SYNE1: variants seen among roughly 807,000 people sequenced by gnomAD.
The protein encoded by SYNE1 is spectrin repeat containing nuclear envelope protein 1.
A neutral mutation model predicts 1,111.0 loss-of-function variants in SYNE1; 616 were observed. The ratio of observed to expected loss-of-function variants is 0.55; its 90% confidence interval spans 0.52 to 0.59. The LOEUF is 0.59. SYNE1 is among the 20% of genes least tolerant of loss of function. The pLI is 0.00. For synonymous variants in SYNE1, 3,855 were observed against 3,825.8 expected (o/e 1.01, Z -0.28); for missense variants, 10,006 against 10,417.0 (o/e 0.96, Z 1.72).
intron 28 of SYNE1, among the ~76,000 whole-genome samples, chr6:152,447,910 T>C (rs1380321696): frequency 1.3e-5 from 2 of 152,206 alleles, no homozygotes; most frequent in African/African-American, 4.8e-5. Flanking sequence ...AAAAATACTG[T>C]AGAAAAATAT....
Position 152,347,682 on chromosome 6 carries a change from C to T in SYNE1, c.11902-447G>A, listed in dbSNP as rs955684442. 1.1e-4 allele frequency among the ~76,000 whole-genome samples: 15 copies of T among 138,986 alleles called. No homozygotes were observed. In the East Asian group the frequency reaches 1.7e-3, roughly 15 times the overall value. 91.2% of individuals were successfully genotyped at this position (138,986 alleles called of 152,430 possible). A position where few individuals can be genotyped will look rare whatever the true frequency, so the allele number is the denominator to read the frequency against. Reference sequence around the variant, plus strand: ...AAAAGTAGTTGTGTTTTTTGTCATTCTTTTTTTTTTTTTTTTAAGACAGAG... The same window carrying T: ...AAAAGTAGTTGTGTTTTTTGTCATTTTTTTTTTTTTTTTTTTAAGACAGAG... On this transcript the variant is annotated intron_variant, in intron 72 of 145. Transcript: ENST00000367255.
At position 152,493,648 on chromosome 6, in the gene SYNE1, G is replaced by C. The variant is rs75086815; in HGVS notation, c.939+5094C>G. ...CTCCTCCAACATCTATTCTCAAAAG[G>C]ATAATGCAACTCCCCCGTCAAAGGC... On this transcript the variant is annotated intron_variant, in intron 11 of 145. Coordinates refer to ENST00000367255, the MANE Select transcript of SYNE1 (RefSeq NM_182961.4). 9.6e-3 allele frequency among the ~76,000 whole-genome samples: 1,455 copies of C among 152,104 alleles called. 31 individuals are homozygous for C. Among genetic ancestry groups the C allele is most frequent in the African/African-American group, 0.034 (1,396 of 41,496 alleles).
chr6:152,308,887 A>G (rs541331566), intron 90 of SYNE1, among the ~76,000 whole-genome samples: 4 of 152,328 alleles, frequency 2.6e-5, no homozygotes, highest in South Asian at 2.1e-4. Flanking sequence ...TCTTTTCCCT[A>G]CTGATATCGT....
intron 61 of SYNE1, chr6:152,367,732 C>A (rs779674460): frequency 6.5e-6 from 2 of 306,732 alleles, no homozygotes; most frequent in Non-Finnish European, 1.3e-5. Context: ...CCTGACACAA[C>A]AACCCACATG....
intron 128 of SYNE1, among the ~76,000 whole-genome samples, chr6:152,180,713 T>G (rs2067758252): frequency 6.8e-6 from 1 of 146,264 alleles, no homozygotes; most frequent in Admixed American, 6.8e-5. Flanking sequence ...AAGAAAAGAG[T>G]AAAAATAGGG....
Position 152,211,510 on chromosome 6 carries a change from C to T in SYNE1, c.22573G>A (p.Gly7525Ser). ...IIDGQRLLEQGQVDDRDEFNL... is the reference protein window; with the variant it reads ...IIDGQRLLEQSQVDDRDEFNL... ...AGATCCTACCTGTCATCAACTTGAC[C>T]TTGTTCTAGAAGACGTTGCCCATCA... The change falls in exon 124 of 146, where the codon GGT becomes AGT. Residue 7525 changes from glycine (G) to serine (S), a missense_variant. Transcript: ENST00000367255. 1 of 1,613,584 alleles carries T rather than the reference C, an allele frequency of 6.2e-7. No individual in the cohort carries two copies.
chr6:152,310,462 G>C lies in SYNE1; in HGVS notation c.16953C>G (p.Ala5651=), dbSNP rs765654033. Residue 5651 remains alanine, a synonymous_variant, in exon 89 of 146, where the codon GCC becomes GCG. Coordinates refer to ENST00000367255, the MANE Select transcript of SYNE1 (RefSeq NM_182961.4). ...CTTCTGGAGAAGTCAGTGTTGCCTGGGCTTGCTCCAAGGCAGCTTGTAACT... is the reference window on the plus strand; with the variant it reads ...CTTCTGGAGAAGTCAGTGTTGCCTGCGCTTGCTCCAAGGCAGCTTGTAACT... ...LKKLQAALEQ[A]QATLTSPEVG... The C allele has an allele frequency of 6.2e-7, 1 of 1,613,976 alleles. No individual in the cohort carries two copies. Among genetic ancestry groups the C allele is most frequent in the Non-Finnish European group, 8.5e-7 (1 of 1,180,000 alleles).
chr6:152,143,518 T>C (rs2152830600), intron 138 of SYNE1, 105 bp downstream of exon 138: 9 of 1,516,664 alleles, frequency 5.9e-6, no homozygotes, highest in South Asian at 3.4e-5. Context: ...AAGGGCAGCA[T>C]GGTATTCAGA....
chr6:152,461,775 T>C, intron 20 of SYNE1, 35 bp from the exon 21 acceptor site: 2 of 1,613,510 alleles, frequency 1.2e-6, no homozygotes, highest in Non-Finnish European at 1.7e-6. Flanking sequence ...GATTCATACA[T>C]GACACATTTC....
At chr6:152,560,235 A>G (rs542868246) in intron 3 of SYNE1, among the ~76,000 whole-genome samples, 19 of 152,048 alleles carry the variant, frequency 1.2e-4, no homozygotes, top group Non-Finnish European at 2.4e-4. Flanking sequence ...GTGTGGTGGC[A>G]TGCACCTATA....
intron 3 of SYNE1, among the ~76,000 whole-genome samples, chr6:152,541,445 T>A (rs1323836391): frequency 6.6e-6 from 1 of 152,140 alleles, no homozygotes; most frequent in African/African-American, 2.4e-5. Context: ...AAGTTGTTGG[T>A]GTATAGAAAT....
At chr6:152,536,386 A>T (rs11969454) in intron 4 of SYNE1, among the ~76,000 whole-genome samples, 3 of 120,654 alleles carry the variant, frequency 2.5e-5, no homozygotes, top group African/African-American at 8.8e-5. Context: ...TAATATATAT[A>T]TATTTATATA....
intron 97 of SYNE1, 124 bp from the exon 98 acceptor site, chr6:152,278,404 G>T: frequency 8.6e-7 from 1 of 1,165,520 alleles, no homozygotes; most frequent in Non-Finnish European, 1.3e-6. Flanking sequence ...ATGATTTTTT[G>T]TAGTTTTCCC....
chr6:152,189,101 T>C, intron 128 of SYNE1, 151 bp downstream of exon 128: 1 of 749,688 alleles, frequency 1.3e-6, no homozygotes, highest in Non-Finnish European at 2.2e-6. Context: ...TGTATTGATC[T>C]GAAATGTTCT....
chr6:152,315,825 T>C (rs1477634908), intron 87 of SYNE1: 3 of 152,268 alleles, frequency 2.0e-5, no homozygotes, highest in South Asian at 2.1e-4. Flanking sequence ...ATACGCAAGA[T>C]TGATCAGAGA....
intron 145 of SYNE1, chr6:152,126,217 C>T (rs2053385423): frequency 6.6e-6 from 1 of 152,178 alleles, no homozygotes; most frequent in Non-Finnish European, 1.5e-5. Flanking sequence ...TTGAAAATAT[C>T]CGAACTATCC....
In SYNE1 at chr6:152,367,264, G is replaced by T. The variant is rs559031643; in HGVS notation, c.9926C>A (p.Pro3309Gln). Residue 3309 changes from proline to glutamine, a missense_variant, in exon 62 of 146, where the codon CCG becomes CAG. By Grantham distance (76) the Pro-to-Gln change is moderately conservative. Transcript: ENST00000367255. ...GTCCAGCACACTTTTGTCGGATGTC[G>T]GGTGGCAGTATGAATCCAGCATGTG... ...AIHMLDSYCH[P>Q]TSDKSVLDSR... 1 of 1,614,162 alleles carries T rather than the reference G, an allele frequency of 6.2e-7. No homozygotes were observed. Among genetic ancestry groups the T allele is most frequent in the Admixed American group, 1.7e-5 (1 of 60,026 alleles).
At chr6:152,299,990 G>C (rs371761853) in intron 93 of SYNE1, among the ~76,000 whole-genome samples, 1 of 152,152 alleles carries the variant, frequency 6.6e-6, no homozygotes, top group Admixed American at 6.5e-5. Context: ...TGACATAAAA[G>C]CTTTTTGACA....
At chr6:152,136,341 G>A (rs574382659) in intron 141 of SYNE1, among the ~76,000 whole-genome samples, 57 of 152,318 alleles carry the variant, frequency 3.7e-4, no homozygotes, top group Non-Finnish European at 7.1e-4. Context: ...GGAAATAAAT[G>A]AATGAGTCAT....
Sources: gnomAD v4.1 joint callset for allele counts (sites outside exome capture counted in the v4.1 genomes callset) on GRCh38, gnomAD v4.1.1 for gene constraint, MANE v1.5 for transcripts, NCBI Gene and HGNC (gene_info 2026-07-23, HGNC 2026-07-21) for gene names.